CDH13: variants seen among roughly 807,000 people sequenced by gnomAD.
CDH13 encodes cadherin 13, also known as cadherin-13.
In CDH13, 24 loss-of-function variants were observed where a neutral mutation model predicts 63.8. The observed-to-expected ratio is 0.38, with a 90% CI of 0.27 to 0.53. CDH13 has a LOEUF of 0.53. CDH13 is among the 20% of genes least tolerant of loss of function. The pLI is 0.85. For synonymous variants in CDH13, 503 were observed against 355.3 expected, an observed-to-expected ratio of 1.42 and a Z score of -4.67; for missense variants, 1,049 against 903.1, an observed-to-expected ratio of 1.16 and a Z score of -2.07.
intron 6 of CDH13, among the ~76,000 whole-genome samples, chr16:83,369,729 C>T (rs1336148723): frequency 6.6e-6 from 1 of 152,274 alleles, no homozygotes. Flanking sequence ...CTGTCTTCTT[C>T]TAGTCTTGAT....
chr16:83,778,990 G>C (rs1187157419), intron 11 of CDH13, among the ~76,000 whole-genome samples: 3 of 152,228 alleles, frequency 2.0e-5, no homozygotes, highest in Non-Finnish European at 4.4e-5. Flanking sequence ...AATTTGATAA[G>C]TGAGGAAAAG....
intron 4 of CDH13, among the ~76,000 whole-genome samples, chr16:83,156,350 C>T (rs2037206289): frequency 1.3e-5 from 2 of 152,140 alleles, no homozygotes; most frequent in Admixed American, 1.3e-4. Context: ...ATCATGTATG[C>T]ATCTCTAACC....
intron 7 of CDH13, among the ~76,000 whole-genome samples, chr16:83,562,633 T>G (rs1214801524): frequency 6.6e-6 from 1 of 152,216 alleles, no homozygotes; most frequent in Non-Finnish European, 1.5e-5. Flanking sequence ...TTGTTCTTCA[T>G]GAACCTTCAA....
chr16:82,677,112 G>T (rs1225107569), intron 1 of CDH13, among the ~76,000 whole-genome samples: 1 of 152,186 alleles, frequency 6.6e-6, no homozygotes, highest in African/African-American at 2.4e-5. Flanking sequence ...TTGATCTCTT[G>T]ACCTCATGAT....
intron 2 of CDH13, among the ~76,000 whole-genome samples, chr16:83,000,467 C>G (rs1028735373): frequency 4.7e-5 from 7 of 150,454 alleles, no homozygotes; most frequent in Non-Finnish European, 7.4e-5. Flanking sequence ...CCAGGTTGGT[C>G]TCACTACTGA....
chr16:83,654,566 C>T (rs559238103), intron 8 of CDH13, among the ~76,000 whole-genome samples: 70 of 152,120 alleles, frequency 4.6e-4, no homozygotes, highest in Admixed American at 1.0e-3. Context: ...TTGTTAGCCC[C>T]AGGATGAGGA....
chr16:82,949,202 C>G (rs1285162492), intron 2 of CDH13, among the ~76,000 whole-genome samples: 7 of 152,176 alleles, frequency 4.6e-5, no homozygotes, highest in Non-Finnish European at 8.8e-5. Flanking sequence ...AAGGGCCACA[C>G]TACTTTCAGA....
intron 4 of CDH13, among the ~76,000 whole-genome samples, chr16:83,153,385 G>A (rs1356340057): frequency 6.6e-6 from 1 of 152,068 alleles, no homozygotes; most frequent in African/African-American, 2.4e-5. Context: ...ATGACCTTAG[G>A]AGCAGTTTAG....
At chr16:83,753,821 T>C (rs1319169308) in intron 11 of CDH13, among the ~76,000 whole-genome samples, 2 of 151,448 alleles carry the variant, frequency 1.3e-5, no homozygotes, top group Non-Finnish European at 1.5e-5. Flanking sequence ...ACTAGAAAAA[T>C]CTAGTTAAAT....
intron 4 of CDH13, among the ~76,000 whole-genome samples, chr16:83,148,671 T>G (rs2036852887): frequency 6.6e-6 from 1 of 152,208 alleles, no homozygotes. Flanking sequence ...TGCAGTATGG[T>G]GTTATTATTA....
Position 83,074,741 on chromosome 16 carries a change from C to A in CDH13, c.366+42523C>A, listed in dbSNP as rs572489842. Among the ~76,000 whole-genome samples the A allele has an allele frequency of 2.4e-4, 37 of 152,328 alleles. No homozygotes were observed. In the South Asian group the frequency reaches 7.5e-3, roughly 31 times the overall value. ...TAGCCATCGTCTCACACAGTCCTCA[C>A]TGGTGCTATTACCAGCTCCATTTGC... On this transcript the variant is annotated intron_variant, in intron 3 of 13. Transcript: ENST00000567109.
chr16:83,094,605 G>A (rs988249258), intron 3 of CDH13, among the ~76,000 whole-genome samples: 1 of 152,152 alleles, frequency 6.6e-6, no homozygotes, highest in African/African-American at 2.4e-5. Context: ...AGGCCTCTTA[G>A]TTTATAGCTG....
At chr16:83,081,051 T>C (rs1321621348) in intron 3 of CDH13, among the ~76,000 whole-genome samples, 1 of 151,770 alleles carries the variant, frequency 6.6e-6, no homozygotes, top group African/African-American at 2.4e-5. Context: ...CCGGCTAATT[T>C]TTTATTTTTA....
chr16:83,014,095 T>C (rs1230881144), intron 2 of CDH13, among the ~76,000 whole-genome samples: 1 of 143,354 alleles, frequency 7.0e-6, no homozygotes, highest in Non-Finnish European at 1.6e-5. Context: ...GAACAAGTAA[T>C]GACAAGTTGA....
intron 1 of CDH13, among the ~76,000 whole-genome samples, chr16:82,720,677 G>GTT (rs11385287): frequency 6.1e-5 from 9 of 147,722 alleles, no homozygotes; most frequent in Admixed American, 4.7e-4. Flanking sequence ...AAGAGTTAGT[G>GTT]TTTTTTTTTT....
intron 5 of CDH13, among the ~76,000 whole-genome samples, chr16:83,299,852 A>G (rs1027665374): frequency 3.3e-5 from 5 of 152,240 alleles, no homozygotes; most frequent in African/African-American, 9.6e-5. Context: ...TAGTGAGATC[A>G]GGCGTCTCCT....
intron 1 of CDH13, among the ~76,000 whole-genome samples, chr16:82,742,856 G>A (rs1347247400): frequency 6.6e-6 from 1 of 152,062 alleles, no homozygotes; most frequent in Non-Finnish European, 1.5e-5. Flanking sequence ...AAAATATACT[G>A]AAAATCCCTC....
At chr16:83,033,437 G>T (rs1238327956) in intron 3 of CDH13, among the ~76,000 whole-genome samples, 1 of 151,848 alleles carries the variant, frequency 6.6e-6, no homozygotes, top group African/African-American at 2.4e-5. Flanking sequence ...AATGACTTTT[G>T]GTGACTTCAG....
At chr16:83,533,164 A>G (rs1233789105) in intron 7 of CDH13, among the ~76,000 whole-genome samples, 1 of 152,202 alleles carries the variant, frequency 6.6e-6, no homozygotes. Flanking sequence ...CTTATGCCAG[A>G]GGACCAGCAG....
Sources: gnomAD v4.1 joint callset for allele counts (sites outside exome capture counted in the v4.1 genomes callset) on GRCh38, gnomAD v4.1.1 for gene constraint, MANE v1.5 for transcripts, NCBI Gene and HGNC (gene_info 2026-07-23, HGNC 2026-07-21) for gene names.